Variants in POLR3E observed in about 807,000 individuals in gnomAD.
The protein encoded by POLR3E is RNA polymerase III subunit E.
A neutral mutation model predicts 96.6 loss-of-function variants in POLR3E; 41 were observed. The observed-to-expected ratio is 0.42, with a 90% CI of 0.33 to 0.55. The LOEUF (loss-of-function observed/expected upper bound fraction) is 0.55, where lower values mean the gene tolerates loss of function less well. Among genes scored for constraint, POLR3E ranks in the 20% least tolerant of loss-of-function variants. POLR3E has a pLI of 0.06. For synonymous variants in POLR3E, 396 were observed against 383.6 expected (o/e 1.03, Z -0.38); for missense variants, 849 against 952.1 (o/e 0.89, Z 1.43).
chr16:22,328,666 C>A, intron 19 of POLR3E, 79 bp downstream of exon 19: 2 of 1,131,978 alleles, frequency 1.8e-6, no homozygotes, highest in Non-Finnish European at 2.7e-6. Context: ...GGGACATGTG[C>A]ACCCAAAGTG....
At chr16:22,328,745 A>G (rs2048666652) in intron 19 of POLR3E, 158 bp downstream of exon 19, 5 of 646,836 alleles carry the variant, frequency 7.7e-6, no homozygotes, top group Non-Finnish European at 1.4e-5. Context: ...GTACGCTAAC[A>G]AAATAAGCTG....
chr16:22,309,406 G>C (rs769206105), intron 5 of POLR3E, 22 bp from the exon 6 acceptor site: 2 of 1,589,432 alleles, frequency 1.3e-6, no homozygotes. Context: ...CCCCTGTGAC[G>C]TTGCTTCTCC....
At chr16:22,315,272 C>T (rs2048331019) in intron 9 of POLR3E, 64 bp downstream of exon 9, 1 of 1,501,452 alleles carries the variant, frequency 6.7e-7, no homozygotes, top group African/African-American at 1.4e-5. Context: ...CATGGTGTGG[C>T]CTCCGTGTCT....
chr16:22,327,834 A>G (rs937956485), intron 18 of POLR3E: 1 of 152,180 alleles, frequency 6.6e-6, no homozygotes, highest in African/African-American at 2.4e-5. Context: ...CTCAAATGCA[A>G]ATGTGTATTG....
chr16:22,302,809 A>G (rs896527066), intron 1 of POLR3E, 122 bp from the exon 2 acceptor site: 6 of 730,516 alleles, frequency 8.2e-6, no homozygotes, highest in African/African-American at 1.7e-5. Flanking sequence ...ATGTAGATGT[A>G]GAAAGAAGGT....
chr16:22,312,003 C>A (rs568600375), intron 6 of POLR3E, among the ~76,000 whole-genome samples: 1 of 152,128 alleles, frequency 6.6e-6, no homozygotes, highest in Non-Finnish European at 1.5e-5. Flanking sequence ...TTTCTCAGAA[C>A]GTATCCCTAT....
At chr16:22,314,625 G>C (rs2048316491) in intron 8 of POLR3E, among the ~76,000 whole-genome samples, 1 of 152,200 alleles carries the variant, frequency 6.6e-6, no homozygotes, top group South Asian at 2.1e-4. Flanking sequence ...GCTACACGTA[G>C]AATGATGATA....
At chr16:22,325,672 A>C in intron 17 of POLR3E, 89 bp from the exon 18 acceptor site, 3 of 1,429,810 alleles carry the variant, frequency 2.1e-6, no homozygotes, top group Non-Finnish European at 2.8e-6. Context: ...CCAGGACGGG[A>C]CCACTTGCTG....
intron 9 of POLR3E, 58 bp downstream of exon 9, chr16:22,315,266 G>A: frequency 1.3e-6 from 2 of 1,527,116 alleles, no homozygotes; most frequent in Non-Finnish European, 1.8e-6. Context: ...AAGGGTCATG[G>A]TGTGGCCTCC....
chr16:22,303,067 T>C, intron 2 of POLR3E, 63 bp downstream of exon 2: 2 of 1,450,548 alleles, frequency 1.4e-6, no homozygotes, highest in Admixed American at 3.3e-5. Context: ...GTCCTTTCCA[T>C]GTGTCCTCAG....
chr16:22,298,647 T>C (rs1035664459), intron 1 of POLR3E, among the ~76,000 whole-genome samples: 2 of 152,142 alleles, frequency 1.3e-5, no homozygotes, highest in Non-Finnish European at 2.9e-5. Context: ...TGCAGTATAG[T>C]GGTTAAGAAT....
chr16:22,299,087 G>A, intron 1 of POLR3E: 1 of 456,050 alleles, frequency 2.2e-6, no homozygotes, highest in Admixed American at 2.3e-5. Flanking sequence ...CAGAGATGTG[G>A]TAGGGCCTGG....
At chr16:22,325,317 C>T (rs766574823) in intron 17 of POLR3E, 51 bp downstream of exon 17, 67 of 1,431,136 alleles carry the variant, frequency 4.7e-5, no homozygotes, top group Middle Eastern at 1.7e-4. Context: ...ACTGTGGCTC[C>T]GGAAGGGCTG....
At position 22,302,951 on chromosome 16, in the gene POLR3E, G is replaced by A. The variant is rs112102365; in HGVS notation, c.-18G>A. The A allele has an allele frequency of 1.6e-5, 26 of 1,613,242 alleles. No individual in the cohort carries two copies. Among genetic ancestry groups the A allele is most frequent in the South Asian group, 5.5e-5 (5 of 91,080 alleles). Reference sequence around the variant, plus strand: ...TGCAGATCGAGCTGAAGGACTGCGCGGCTGGCTCTCCTCTAGTATGGCCAA... The same window carrying A: ...TGCAGATCGAGCTGAAGGACTGCGCAGCTGGCTCTCCTCTAGTATGGCCAA... On this transcript the variant is annotated 5_prime_UTR_variant, in exon 2 of 21. Coordinates refer to ENST00000299853, the MANE Select transcript of POLR3E (RefSeq NM_018119.4).
intron 6 of POLR3E, 52 bp downstream of exon 6, chr16:22,309,562 G>T: frequency 7.8e-7 from 1 of 1,279,668 alleles, no homozygotes. Flanking sequence ...GGGGGGGCTG[G>T]GCAGGGAGAG....
At chr16:22,311,685 G>C (rs957238657) in intron 6 of POLR3E, among the ~76,000 whole-genome samples, 1 of 151,708 alleles carries the variant, frequency 6.6e-6, no homozygotes, top group African/African-American at 2.4e-5. Flanking sequence ...TTGTTGAGGT[G>C]GGGTCTTGCT....
intron 1 of POLR3E, among the ~76,000 whole-genome samples, chr16:22,301,924 G>GA (rs60618622): frequency 0.022 from 2,602 of 119,402 alleles, 65 homozygotes; most frequent in East Asian, 0.11. Context: ...TCCGTCTCAA[G>GA]AAAAAAAAAA....
intron 19 of POLR3E, among the ~76,000 whole-genome samples, chr16:22,329,627 G>C (rs1229558335): frequency 6.6e-6 from 1 of 152,108 alleles, no homozygotes; most frequent in Admixed American, 6.6e-5. Flanking sequence ...GCAAGCTTGA[G>C]TGCTTTTGTC....
chr16:22,313,469 CTGG>C lies in POLR3E; in HGVS notation c.365-146_365-144del, dbSNP rs2141763220. ...GGTGGAGGTGGGGATGGTCCCTGGC[CTGG>C]TGGTCCCAAGACTCTAGGATTGGGG... On this transcript the variant is annotated intron_variant, in intron 6 of 20. Transcript: ENST00000299853. This position sits in a 1 kb window ranked among gnomAD's most constrained non-coding sequence, Gnocchi z 4.1. 1 of 605,658 alleles carries C rather than the reference CTGG, an allele frequency of 1.7e-6. No homozygotes were observed. The highest frequency in any genetic ancestry group is 1.9e-5 in the African/African-American group (1 of 53,942). The allele number at this position is 605,658 out of a possible 1,614,324, so 37.5% of individuals were successfully genotyped here.
Sources: allele counts gnomAD v4.1 joint callset (sites outside exome capture counted in the v4.1 genomes callset), GRCh38; gene constraint gnomAD v4.1.1; non-coding constraint Gnocchi (gnomAD v3.1); transcripts MANE v1.5; gene names NCBI Gene and HGNC (gene_info 2026-07-23, HGNC 2026-07-21).